Variants in TOP3B observed in about 807,000 individuals in gnomAD.
TOP3B encodes DNA topoisomerase 3-beta-1.
A neutral mutation model predicts 93.9 loss-of-function variants in TOP3B; 45 were observed. That is an observed-to-expected ratio of 0.48 (90% CI 0.38 to 0.61). The LOEUF (loss-of-function observed/expected upper bound fraction) is 0.61, where lower values mean the gene tolerates loss of function less well. Among genes scored for constraint, TOP3B ranks in the 20% least tolerant of loss-of-function variants. The probability of loss-of-function intolerance (pLI) is 0.00; values close to 1 mark genes in which losing one functional copy is unlikely to be tolerated. For missense variants in TOP3B, 750 were observed against 1,156.1 expected, an observed-to-expected ratio of 0.65 and a Z score of 5.09; for synonymous variants, 357 against 472.6, an observed-to-expected ratio of 0.76 and a Z score of 3.17.
intron 13 of TOP3B, 52 bp from the exon 14 acceptor site, chr22:21,960,501 T>G: frequency 6.2e-7 from 1 of 1,607,880 alleles, no homozygotes; most frequent in East Asian, 2.2e-5. Context: ...CATGCCCCAC[T>G]GAACCATGTG....
chr22:21,974,614 C>A (rs1317365632), intron 2 of TOP3B, 126 bp from the exon 3 acceptor site: 3 of 1,100,024 alleles, frequency 2.7e-6, no homozygotes, highest in South Asian at 3.2e-5. Context: ...TGAGTGACGA[C>A]ATTCCGCAGA....
chr22:21,957,702 G>GAACTC, intron 17 of TOP3B, 107 bp from the exon 18 acceptor site: 1 of 1,430,606 alleles, frequency 7.0e-7, no homozygotes, highest in South Asian at 1.4e-5. Context: ...CCAGCAGAAG[G>GAACTC]AACTCTTCTT....
chr22:21,959,812 T>C, intron 14 of TOP3B, 76 bp from the exon 15 acceptor site: 1 of 1,559,918 alleles, frequency 6.4e-7, no homozygotes, highest in Non-Finnish European at 8.7e-7. Context: ...CAGGCAGGGA[T>C]ACTGCCCTGT....
At chr22:21,972,045 G>A in intron 4 of TOP3B, 94 bp from the exon 5 acceptor site, 1 of 1,107,450 alleles carries the variant, frequency 9.0e-7, no homozygotes, top group Non-Finnish European at 1.3e-6. Context: ...CTTGGTCCCA[G>A]GCCCTGAACC....
At chr22:21,965,431 G>A (rs1045988306) in intron 8 of TOP3B, 56 bp from the exon 9 acceptor site, 41 of 1,169,996 alleles carry the variant, frequency 3.5e-5, no homozygotes, top group Non-Finnish European at 4.0e-5. Context: ...ACCATAGAGG[G>A]AATCAAGATG....
intron 9 of TOP3B, chr22:21,964,586 G>A: frequency 1.9e-6 from 1 of 515,520 alleles, no homozygotes; most frequent in Non-Finnish European, 3.5e-6. Context: ...ACCCCACGGT[G>A]CATCCTCATG....
chr22:21,971,297 A>G lies in TOP3B; in HGVS notation c.384+580T>C, dbSNP rs975781807. The G allele has an allele frequency of 7.1e-5, 21 of 297,146 alleles. No individual in the cohort carries two copies. The highest frequency in any genetic ancestry group is 3.8e-4 in the Admixed American group (8 of 21,154). The allele number at this position is 297,146 out of a possible 1,614,324, so 18.4% of individuals were successfully genotyped here. A position where few individuals can be genotyped will look rare whatever the true frequency, so the allele number is the denominator to read the frequency against. ...GGAGCACGGGGGCGACCCATAGAACAACAGTCTGAAGGGCACCAAGTGAGA... is the reference window on the plus strand; with the variant it reads ...GGAGCACGGGGGCGACCCATAGAACGACAGTCTGAAGGGCACCAAGTGAGA... On this transcript the variant is annotated intron_variant, in intron 5 of 17. Coordinates refer to ENST00000357179, the MANE Select transcript of TOP3B (RefSeq NM_001282112.2). The surrounding 1 kb of genome is among the most constrained non-coding windows in gnomAD (Gnocchi z 4.6).
At chr22:21,958,945 G>C (rs1288587109) in intron 16 of TOP3B, 187 bp downstream of exon 16, 2 of 1,047,570 alleles carry the variant, frequency 1.9e-6, no homozygotes, top group Non-Finnish European at 2.7e-6. Flanking sequence ...ATGTGTGTTT[G>C]CGTGGCCTAA....
intron 1 of TOP3B, among the ~76,000 whole-genome samples, chr22:21,978,571 C>T (rs1003139367): frequency 3.9e-5 from 6 of 152,040 alleles, no homozygotes; most frequent in African/African-American, 1.5e-4. Flanking sequence ...GGAGCCCAGG[C>T]TGGGGGTCGG....
intron 7 of TOP3B, chr22:21,968,016 T>A: frequency 2.7e-6 from 1 of 373,480 alleles, no homozygotes. Context: ...CTATCCCCAG[T>A]GCCTGGCCAG....
In TOP3B at chr22:21,969,921, A is replaced by T. The variant is rs1601843184; in HGVS notation, c.581+289T>A. 5 of 284,862 alleles carry T rather than the reference A, an allele frequency of 1.8e-5. No individual in the cohort carries two copies. The East Asian group carries it at 3.2e-4, about 18-fold the overall frequency. The allele number at this position is 284,862 out of a possible 1,614,324, so 17.6% of individuals were successfully genotyped here. A position where few individuals can be genotyped will look rare whatever the true frequency, so the allele number is the denominator to read the frequency against. On this transcript the variant is annotated intron_variant, in intron 6 of 17. Coordinates refer to ENST00000357179, the MANE Select transcript of TOP3B (RefSeq NM_001282112.2). Reference sequence around the variant, plus strand: ...AGGCAACAGAACAAGACTCTGTCTCAAAAAAATAATTTTTTTTTTTTTTTT... The same window carrying T: ...AGGCAACAGAACAAGACTCTGTCTCTAAAAAATAATTTTTTTTTTTTTTTT...
rs750714103 is a variant in TOP3B, at chr22:21,967,701, C to T, written c.754G>A (p.Asp252Asn). The change falls in exon 8 of 18, where the codon GAC (aspartate) becomes AAC (asparagine). Residue 252 changes from aspartate (D) to asparagine (N), a missense_variant. Physicochemically the swap from Asp to Asn is conservative, Grantham distance 23. This residue lies in a region of TOP3B where 737 missense variants were observed against 933.7 expected (regional missense o/e 0.79). Coordinates refer to ENST00000357179, the MANE Select transcript of TOP3B (RefSeq NM_001282112.2). ...TCCCAGTCCAAAAGGAGAGATCTGT[C>T]TTTGTCAGTGTTAACCTGCAGGAAA... Reference protein sequence around the residue: ...VLQAKVNTDKDRSLLLDWDRV... With the variant: ...VLQAKVNTDKNRSLLLDWDRV... 10 of 1,613,952 alleles carry T rather than the reference C, an allele frequency of 6.2e-6. No homozygotes were observed. Among genetic ancestry groups the T allele is most frequent in the Non-Finnish European group, 5.9e-6 (7 of 1,179,866 alleles).
chr22:21,960,260 A>G, intron 14 of TOP3B, 61 bp downstream of exon 14: 1 of 1,609,348 alleles, frequency 6.2e-7, no homozygotes, highest in Non-Finnish European at 8.5e-7. Flanking sequence ...CAGCAGAGCC[A>G]ACATCCAGGG....
Position 21,964,196 on chromosome 22 carries a change from G to A in TOP3B, c.1063C>T (p.Arg355Trp), listed in dbSNP as rs181255589. Reference sequence around the variant, plus strand: ...CAGTAGGGGTGGTTGGCCTGCTGCCGCAGAGAGCCCTTCAGGTCAAAGTTC... The same window carrying A: ...CAGTAGGGGTGGTTGGCCTGCTGCCACAGAGAGCCCTTCAGGTCAAAGTTC... ...PENFDLKGSL[R>W]QQANHPYWAD... The change falls in exon 10 of 18, where the codon CGG becomes TGG. Residue 355 changes from arginine to tryptophan, a missense_variant. Arg to Trp is a moderately radical substitution (Grantham distance 101, BLOSUM62 -3). Around this residue, in one of 4 missense-constraint regions of TOP3B, gnomAD observed 737 missense variants for 933.7 expected, o/e 0.79. Coordinates refer to ENST00000357179, the MANE Select transcript of TOP3B (RefSeq NM_001282112.2). 5.0e-5 allele frequency: 80 copies of A among 1,614,134 alleles called. No homozygotes were observed. Among genetic ancestry groups the A allele is most frequent in the Middle Eastern group, 1.6e-4 (1 of 6,062 alleles).
At chr22:21,982,235 C>T (rs1345549455) in intron 1 of TOP3B, 1 of 152,182 alleles carries the variant, frequency 6.6e-6, no homozygotes. Flanking sequence ...CCCCTGGATT[C>T]CAGCTAATTT....
At chr22:21,968,196 G>C (rs769356556) in intron 7 of TOP3B, 31 of 229,354 alleles carry the variant, frequency 1.4e-4, no homozygotes, top group Admixed American at 3.1e-4. Context: ...CCAGGTTGTT[G>C]GGATTACAGA....
At chr22:21,962,349 G>A (rs750501099) in intron 13 of TOP3B, 80 bp downstream of exon 13, 8 of 1,604,198 alleles carry the variant, frequency 5.0e-6, no homozygotes, top group Non-Finnish European at 6.8e-6. Context: ...CACAGGGCTG[G>A]CGGGGCAGCT....
In TOP3B at chr22:21,967,326, G is replaced by A. The variant is rs765124272; in HGVS notation, c.852+277C>T. 20 of 392,124 alleles carry A rather than the reference G, an allele frequency of 5.1e-5. 1 individual carries two copies. Among genetic ancestry groups the A allele is most frequent in the African/African-American group, 2.2e-4 (11 of 49,466 alleles). The allele number at this position is 392,124 out of a possible 1,614,324, so 24.3% of individuals were successfully genotyped here. ...ACGGAGGTAATGCCTAGCGGGTCAC[G>A]TGGAAAGGGGAGAGTGGAAGGGGTC... On this transcript the variant is annotated intron_variant, in intron 8 of 17. Coordinates refer to ENST00000357179, the MANE Select transcript of TOP3B (RefSeq NM_001282112.2).
At chr22:21,968,537 C>A in intron 7 of TOP3B, 82 bp downstream of exon 7, 1 of 1,565,052 alleles carries the variant, frequency 6.4e-7, no homozygotes, top group Non-Finnish European at 8.7e-7. Context: ...CCGGGGCCTG[C>A]CGGCTGATGA....
Sources: gnomAD v4.1 joint callset for allele counts (sites outside exome capture counted in the v4.1 genomes callset) on GRCh38, gnomAD v4.1.1 for gene constraint, gnomAD v4.1.1 regional missense constraint, Gnocchi (gnomAD v3.1) non-coding constraint, MANE v1.5 for transcripts, NCBI Gene and HGNC (gene_info 2026-07-23, HGNC 2026-07-21) for gene names.